LIPC: variants seen among roughly 807,000 people sequenced by gnomAD.
LIPC encodes the protein hepatic triacylglycerol lipase.
In LIPC, 44 loss-of-function variants were observed where a neutral mutation model predicts 50.7. The observed-to-expected ratio is 0.87, with a 90% CI of 0.68 to 1.11. LIPC has a LOEUF of 1.11. Among genes scored for constraint, LIPC ranks in the 50% most tolerant of loss-of-function variants. The pLI is 0.00. For missense variants in LIPC, 697 were observed against 648.2 expected (o/e 1.08, Z -0.82); for synonymous variants, 271 against 256.4 (o/e 1.06, Z -0.54).
intron 1 of LIPC, among the ~76,000 whole-genome samples, chr15:58,464,335 C>T (rs1894462752): frequency 1.3e-5 from 2 of 152,208 alleles, no homozygotes; most frequent in African/African-American, 4.8e-5. Flanking sequence ...CAACTCGGCT[C>T]CAAAGAGCCT....
intron 1 of LIPC, among the ~76,000 whole-genome samples, chr15:58,536,682 T>C (rs1893134621): frequency 6.6e-6 from 1 of 152,194 alleles, no homozygotes; most frequent in African/African-American, 2.4e-5. Context: ...TGAGACTCTC[T>C]ATAAGCTCAG....
intron 1 of LIPC, chr15:58,456,065 T>C (rs1355569604): frequency 1.3e-5 from 2 of 152,018 alleles, no homozygotes; most frequent in African/African-American, 4.8e-5. Flanking sequence ...CAGAGAGCCG[T>C]AAAGCATGGT....
intron 4 of LIPC, among the ~76,000 whole-genome samples, 174 bp from the exon 5 acceptor site, chr15:58,545,568 A>G (rs2140921100): frequency 6.6e-6 from 1 of 152,262 alleles, no homozygotes; most frequent in Non-Finnish European, 1.5e-5. Flanking sequence ...ACCATGAACT[A>G]CTGTGGTTTT....
intron 6 of LIPC, among the ~76,000 whole-genome samples, chr15:58,553,537 G>A (rs775220668): frequency 2.6e-5 from 4 of 152,216 alleles, no homozygotes; most frequent in Non-Finnish European, 5.9e-5. Context: ...AGGCTGCAGT[G>A]AGACATGATG....
At chr15:58,546,788 ACT>A (rs1212831091) in intron 5 of LIPC, among the ~76,000 whole-genome samples, 3 of 151,332 alleles carry the variant, frequency 2.0e-5, no homozygotes, top group Non-Finnish European at 4.4e-5. Flanking sequence ...CTGAGAACAC[ACT>A]CTCTTGTGAT....
At chr15:58,528,224 T>C (rs1892850786) in intron 1 of LIPC, among the ~76,000 whole-genome samples, 1 of 152,132 alleles carries the variant, frequency 6.6e-6, no homozygotes, top group South Asian at 2.1e-4. Flanking sequence ...CGTTTATCTT[T>C]GCCCAGATTC....
At position 58,563,643 on chromosome 15, in the gene LIPC, C is replaced by G; in HGVS notation, c.1308C>G (p.Ile436Met). ...ATGTCTGGGACACGGTCCAGACCAT[C>G]ATCCCATGGAGCACAGGGCCGCGCC... Reference protein sequence around the residue: ...WANVWDTVQTIIPWSTGPRHS... With the variant: ...WANVWDTVQTMIPWSTGPRHS... The change falls in exon 8 of 9, where the codon ATC becomes ATG. Residue 436 changes from isoleucine to methionine, a missense_variant. Coordinates refer to ENST00000299022, the MANE Select transcript of LIPC (RefSeq NM_000236.3). 1 of 1,614,196 alleles carries G rather than the reference C, an allele frequency of 6.2e-7. No homozygotes were observed. Among genetic ancestry groups the G allele is most frequent in the African/African-American group, 1.3e-5 (1 of 75,044 alleles).
At chr15:58,535,972 C>T (rs1463631675) in intron 1 of LIPC, among the ~76,000 whole-genome samples, 1 of 152,176 alleles carries the variant, frequency 6.6e-6, no homozygotes, top group Non-Finnish European at 1.5e-5. Context: ...TGGCAGGACA[C>T]CTCACCGCTC....
At chr15:58,442,835 T>C (rs1893551668) in intron 1 of LIPC, among the ~76,000 whole-genome samples, 1 of 152,168 alleles carries the variant, frequency 6.6e-6, no homozygotes, top group Non-Finnish European at 1.5e-5. Context: ...TTCTCATTGA[T>C]GCCTACTTCT....
chr15:58,468,389 C>A (rs8036983), intron 1 of LIPC, among the ~76,000 whole-genome samples: 2,946 of 152,240 alleles, frequency 0.019, 88 homozygotes, highest in African/African-American at 0.066. Context: ...AGGGTCTCAC[C>A]CCAGACCTAA....
At chr15:58,478,459 G>A (rs1397766053) in intron 1 of LIPC, among the ~76,000 whole-genome samples, 1 of 152,036 alleles carries the variant, frequency 6.6e-6, no homozygotes, top group Non-Finnish European at 1.5e-5. Context: ...GGCTGGTCTC[G>A]AGCTCCTGAC....
intron 4 of LIPC, among the ~76,000 whole-genome samples, chr15:58,543,828 G>A (rs1893424609): frequency 6.6e-6 from 1 of 151,966 alleles, no homozygotes; most frequent in South Asian, 2.1e-4. Flanking sequence ...CACCATATTG[G>A]TCAGGCTGGT....
chr15:58,553,311 A>G (rs1278269426), intron 6 of LIPC, among the ~76,000 whole-genome samples: 3 of 152,216 alleles, frequency 2.0e-5, no homozygotes, highest in Admixed American at 6.5e-5. Flanking sequence ...AGGGGCAGGC[A>G]TTGGCCAGGC....
At chr15:58,491,163 C>G (rs1891573687) in intron 1 of LIPC, among the ~76,000 whole-genome samples, 1 of 152,200 alleles carries the variant, frequency 6.6e-6, no homozygotes, top group Non-Finnish European at 1.5e-5. Context: ...TGCACACACG[C>G]CCGCCCCATC....
At chr15:58,538,615 T>C in intron 2 of LIPC, 98 bp downstream of exon 2, 1 of 1,168,452 alleles carries the variant, frequency 8.6e-7, no homozygotes, top group Non-Finnish European at 1.3e-6. Context: ...GAGCTGGTGA[T>C]AACAACTCCA....
intron 1 of LIPC, chr15:58,533,068 A>G (rs1228393153): frequency 1.4e-6 from 1 of 723,156 alleles, no homozygotes; most frequent in Non-Finnish European, 1.7e-6. Flanking sequence ...CCCTTGATGG[A>G]TTTGATCACT....
chr15:58,506,881 G>A (rs1892167851), intron 1 of LIPC, among the ~76,000 whole-genome samples: 1 of 152,206 alleles, frequency 6.6e-6, no homozygotes, highest in Non-Finnish European at 1.5e-5. Flanking sequence ...CTGACTCACA[G>A]TTCAGCATGG....
At chr15:58,489,699 C>A (rs1013737956) in intron 1 of LIPC, among the ~76,000 whole-genome samples, 3 of 152,164 alleles carry the variant, frequency 2.0e-5, no homozygotes, top group African/African-American at 7.2e-5. Context: ...GGCCACATGA[C>A]CCCTGAGCAG....
At chr15:58,474,204 T>A (rs1890903973) in intron 1 of LIPC, among the ~76,000 whole-genome samples, 1 of 152,108 alleles carries the variant, frequency 6.6e-6, no homozygotes, top group Admixed American at 6.6e-5. Context: ...GGGAAGTGCA[T>A]CCTCTCTGCT....
Sources: allele counts gnomAD v4.1 joint callset (sites outside exome capture counted in the v4.1 genomes callset), GRCh38; gene constraint gnomAD v4.1.1; transcripts MANE v1.5; gene names NCBI Gene and HGNC (gene_info 2026-07-23, HGNC 2026-07-21).